The following TLL1 variants were observed in gnomAD, a reference collection of about 807,000 sequenced individuals.
TLL1 encodes tolloid like 1.
In TLL1, 49 loss-of-function variants were observed where a neutral mutation model predicts 128.2. The observed-to-expected ratio is 0.38, with a 90% CI of 0.30 to 0.48. The LOEUF is 0.48. Among genes scored for constraint, TLL1 ranks in the 20% least tolerant of loss-of-function variants. TLL1 has a pLI of 0.96. For synonymous variants in TLL1, 454 were observed against 418.8 expected, an observed-to-expected ratio of 1.08 and a Z score of -1.03; for missense variants, 1,123 against 1,242.0, an observed-to-expected ratio of 0.90 and a Z score of 1.44.
intron 1 of TLL1, among the ~76,000 whole-genome samples, chr4:165,966,999 T>A (rs1735415707): frequency 6.6e-6 from 1 of 152,184 alleles, no homozygotes; most frequent in African/African-American, 2.4e-5. Flanking sequence ...GCTTATTTCA[T>A]CCCTTATCTG....
chr4:166,078,868 C>T (rs187576170), intron 18 of TLL1, among the ~76,000 whole-genome samples: 3 of 152,222 alleles, frequency 2.0e-5, no homozygotes, highest in Admixed American at 6.5e-5. Flanking sequence ...TCCAAGGTAG[C>T]TCACTAGATC....
At chr4:166,052,965 G>GTGTGTATATATATATA in intron 12 of TLL1, among the ~76,000 whole-genome samples, 1 of 99,646 alleles carries the variant, frequency 1.0e-5, no homozygotes, top group Non-Finnish European at 2.1e-5. Flanking sequence ...GAGGTTATGT[G>GTGTGTATATATATATA]TATATATATA....
At chr4:165,898,489 A>G (rs929151054) in intron 1 of TLL1, among the ~76,000 whole-genome samples, 14 of 152,118 alleles carry the variant, frequency 9.2e-5, no homozygotes, top group Non-Finnish European at 2.1e-4. Flanking sequence ...TGAGATAATC[A>G]TGTGGTTTTT....
At chr4:166,038,241 CT>C (rs1011669241) in intron 9 of TLL1, among the ~76,000 whole-genome samples, 3 of 151,906 alleles carry the variant, frequency 2.0e-5, no homozygotes, top group Non-Finnish European at 4.4e-5. Context: ...TTTCTTTCTT[CT>C]TTTTTTCTTC....
rs1424414416 is a variant in TLL1 at position 166,103,469 on chromosome 4, A to G, written c.*2593A>G. 2 of 151,884 alleles carry G rather than the reference A, an allele frequency of 1.3e-5. No homozygotes were observed. Among genetic ancestry groups the G allele is most frequent in the African/African-American group, 2.4e-5 (1 of 41,416 alleles). 9.4% of individuals were successfully genotyped at this position (151,884 alleles called of 1,614,324 possible). On this transcript the variant is annotated 3_prime_UTR_variant, in exon 21 of 21. Coordinates refer to ENST00000061240, the MANE Select transcript of TLL1 (RefSeq NM_012464.5). Reference sequence around the variant, plus strand: ...TGGTAGGGGAAATGTATTGCTCTATATTAAGAAATATTCTGGATATTCTGA... The same window carrying G: ...TGGTAGGGGAAATGTATTGCTCTATGTTAAGAAATATTCTGGATATTCTGA...
At chr4:165,912,018 G>A (rs1170803153) in intron 1 of TLL1, among the ~76,000 whole-genome samples, 1 of 152,152 alleles carries the variant, frequency 6.6e-6, no homozygotes, top group Non-Finnish European at 1.5e-5. Flanking sequence ...TGGGACTACA[G>A]GCACCCGCCA....
chr4:165,951,726 G>A (rs1245618475), intron 1 of TLL1, among the ~76,000 whole-genome samples: 1 of 152,118 alleles, frequency 6.6e-6, no homozygotes, highest in Non-Finnish European at 1.5e-5. Context: ...GTGGGCCTGA[G>A]TGCTTTCATA....
intron 16 of TLL1, among the ~76,000 whole-genome samples, chr4:166,066,938 T>C (rs1740599895): frequency 1.3e-5 from 2 of 151,808 alleles, no homozygotes. Flanking sequence ...TTTATAAATA[T>C]TATGTGTGTT....
At chr4:165,940,066 C>A (rs1465981163) in intron 1 of TLL1, among the ~76,000 whole-genome samples, 2 of 151,902 alleles carry the variant, frequency 1.3e-5, no homozygotes, top group African/African-American at 4.8e-5. Context: ...TATTGTCCTT[C>A]TTCTGTCTTT....
rs184449399 is a variant in TLL1 at position 165,957,652 on chromosome 4, G to A, written c.170-31729G>A. On this transcript the variant is annotated intron_variant, in intron 1 of 20. Transcript: ENST00000061240. ...CCATATTTGTAGACTTTTATCGCTC[G>A]TCCCCATCCTACTCTTCCACCCAAG... Among the ~76,000 whole-genome samples, 154 of 150,934 alleles carry A rather than the reference G, an allele frequency of 1.0e-3. 1 individual carries two copies. The highest frequency in any genetic ancestry group is 3.2e-3 in the Admixed American group (49 of 15,122).
At chr4:166,043,099 GT>G (rs3215131) in intron 11 of TLL1, among the ~76,000 whole-genome samples, 174 bp from the exon 12 acceptor site, 11 of 151,740 alleles carry the variant, frequency 7.2e-5, no homozygotes, top group African/African-American at 2.7e-4. Context: ...ACTTTACTAG[GT>G]TTTTTTTACC....
intron 1 of TLL1, among the ~76,000 whole-genome samples, chr4:165,882,342 C>T (rs1464108166): frequency 2.0e-5 from 3 of 152,022 alleles, no homozygotes; most frequent in Admixed American, 6.6e-5. Context: ...ATGAAGAATT[C>T]CTGCTTGTAC....
In TLL1 at chr4:166,092,659, A is replaced by G. The variant is rs1429468879; in HGVS notation, c.2656+1318A>G. ...GAAAATATCGTCATCATAGGTTCCA[A>G]GAAGGTAGTGTGAAAATATACTGTC... is the stretch of plus-strand genomic sequence containing the variant. On this transcript the variant is annotated intron_variant, in intron 19 of 20. Transcript: ENST00000061240. Among the ~76,000 whole-genome samples the G allele has an allele frequency of 2.0e-5, 3 of 152,158 alleles. No individual in the cohort carries two copies. The East Asian group carries it at 5.8e-4, about 29-fold the overall frequency.
At chr4:166,092,106 G>A (rs1376112750) in intron 19 of TLL1, among the ~76,000 whole-genome samples, 1 of 151,976 alleles carries the variant, frequency 6.6e-6, no homozygotes, top group East Asian at 1.9e-4. Context: ...TAGTGGCATT[G>A]CTGATGCATA....
At chr4:165,985,516 G>A (rs1300712559) in intron 1 of TLL1, among the ~76,000 whole-genome samples, 1 of 151,908 alleles carries the variant, frequency 6.6e-6, no homozygotes, top group African/African-American at 2.4e-5. Flanking sequence ...AAAATACATG[G>A]TGTTTGTGTT....
At chr4:166,037,716 G>A (rs1258262425) in intron 9 of TLL1, among the ~76,000 whole-genome samples, 1 of 152,016 alleles carries the variant, frequency 6.6e-6, no homozygotes, top group Non-Finnish European at 1.5e-5. Context: ...GCTGAGGGAT[G>A]AGAATCGCTT....
chr4:165,994,027 T>G (rs1736755358), intron 3 of TLL1, among the ~76,000 whole-genome samples: 1 of 152,138 alleles, frequency 6.6e-6, no homozygotes, highest in African/African-American at 2.4e-5. Context: ...TAAACAATAT[T>G]TGTTTTAACT....
chr4:165,900,056 T>G (rs1422318928), intron 1 of TLL1, among the ~76,000 whole-genome samples: 1 of 134,450 alleles, frequency 7.4e-6, no homozygotes, highest in African/African-American at 3.3e-5. Flanking sequence ...TTTCCCTGAT[T>G]TTTTTTTTTT....
chr4:165,895,417 A>G (rs1385571747), intron 1 of TLL1, among the ~76,000 whole-genome samples: 2 of 152,100 alleles, frequency 1.3e-5, no homozygotes, highest in Non-Finnish European at 2.9e-5. Context: ...AAAATATGTG[A>G]TTTTAAGGAT....
Sources: allele counts gnomAD v4.1 joint callset (sites outside exome capture counted in the v4.1 genomes callset), GRCh38; gene constraint gnomAD v4.1.1; transcripts MANE v1.5; gene names NCBI Gene and HGNC (gene_info 2026-07-23, HGNC 2026-07-21).